Variants in HCN1 observed in about 807,000 individuals in gnomAD.
HCN1 encodes hyperpolarization activated cyclic nucleotide gated potassium channel 1, also known as potassium/sodium hyperpolarization-activated cyclic nucleotide-gated channel 1.
A neutral mutation model predicts 78.9 loss-of-function variants in HCN1; 13 were observed. That is an observed-to-expected ratio of 0.16 (90% CI 0.11 to 0.26). The LOEUF (loss-of-function observed/expected upper bound fraction) is 0.26, where lower values mean the gene tolerates loss of function less well. Among genes scored for constraint, HCN1 ranks in the 10% least tolerant of loss-of-function variants. The pLI is 1.00. For synonymous variants in HCN1, 552 were observed against 455.5 expected, an observed-to-expected ratio of 1.21 and a Z score of -2.70; for missense variants, 810 against 1,154.3, an observed-to-expected ratio of 0.70 and a Z score of 4.32.
intron 2 of HCN1, among the ~76,000 whole-genome samples, chr5:45,578,581 C>A (rs1743993939): frequency 6.6e-6 from 1 of 151,976 alleles, no homozygotes; most frequent in Admixed American, 6.6e-5. Flanking sequence ...TTGCATGACT[C>A]CTGAATCATC....
chr5:45,420,836 T>A (rs545954039), intron 3 of HCN1, among the ~76,000 whole-genome samples: 2 of 152,222 alleles, frequency 1.3e-5, no homozygotes, highest in South Asian at 4.1e-4. Flanking sequence ...GCCTCAAAGT[T>A]TACCAGCACT....
In HCN1 at chr5:45,293,898, C is replaced by A. The variant is rs1745431673; in HGVS notation, c.1618+9701G>T. ...GAAAAGATCTGACAGAGTTGTCTTA[C>A]CAGCATGGACAAAATTACTTCATTT... On this transcript the variant is annotated intron_variant, in intron 6 of 7. Transcript: ENST00000303230. Among the ~76,000 whole-genome samples, 2 of 151,790 alleles carry A rather than the reference C, an allele frequency of 1.3e-5. 1 individual carries two copies. The highest frequency in any genetic ancestry group is 4.1e-4 in the South Asian group (2 of 4,820).
At chr5:45,327,283 A>C (rs1258748966) in intron 5 of HCN1, among the ~76,000 whole-genome samples, 1 of 151,768 alleles carries the variant, frequency 6.6e-6, no homozygotes, top group East Asian at 1.9e-4. Context: ...AAGTATGCTG[A>C]ACTAAAAAAT....
chr5:45,323,491 A>AT (rs1746167884), intron 5 of HCN1, among the ~76,000 whole-genome samples: 1 of 151,918 alleles, frequency 6.6e-6, no homozygotes. Flanking sequence ...GCCTTTCTAG[A>AT]TTTTTTAAAA....
At position 45,661,424 on chromosome 5, in the gene HCN1, T is replaced by A. The variant is rs141331102; in HGVS notation, c.426-15816A>T. On this transcript the variant is annotated intron_variant, in intron 1 of 7. Coordinates refer to ENST00000303230, the MANE Select transcript of HCN1 (RefSeq NM_021072.4). Reference sequence around the variant, plus strand: ...AAAAGCAAGAGCAAACACATTCAAATGCTAGCAGAAGGCAAGAAATAACTA... The same window carrying A: ...AAAAGCAAGAGCAAACACATTCAAAAGCTAGCAGAAGGCAAGAAATAACTA... 4.0e-5 allele frequency among the ~76,000 whole-genome samples: 6 copies of A among 148,424 alleles called. No individual in the cohort carries two copies. The South Asian group carries it at 6.6e-4, about 16-fold the overall frequency.
In HCN1 at chr5:45,274,818, T is replaced by G. The variant is rs192497843; in HGVS notation, c.1619-7565A>C. Among the ~76,000 whole-genome samples the G allele has an allele frequency of 4.1e-4, 63 of 152,308 alleles. 1 individual carries two copies. Among genetic ancestry groups the G allele is most frequent in the Admixed American group, 4.1e-3 (62 of 15,280 alleles). ...CTTTCTTAATTGTCCCAGGGAAAAT[T>G]TATCTTTGTGCTTCCTCTGTATCTT... On this transcript the variant is annotated intron_variant, in intron 6 of 7. Transcript: ENST00000303230.
chr5:45,460,376 T>A (rs1741121744), intron 3 of HCN1, among the ~76,000 whole-genome samples: 2 of 152,092 alleles, frequency 1.3e-5, no homozygotes, highest in Non-Finnish European at 2.9e-5. Flanking sequence ...GGCACCTTCA[T>A]CTTGTACTCT....
At chr5:45,268,621 G>C (rs1744904335) in intron 6 of HCN1, among the ~76,000 whole-genome samples, 1 of 152,178 alleles carries the variant, frequency 6.6e-6, no homozygotes, top group South Asian at 2.1e-4. Context: ...GAGAATACTA[G>C]AGAAGGACAC....
At chr5:45,283,224 T>G (rs970962846) in intron 6 of HCN1, among the ~76,000 whole-genome samples, 4 of 152,172 alleles carry the variant, frequency 2.6e-5, no homozygotes, top group Non-Finnish European at 5.9e-5. Context: ...ATTCTTGATA[T>G]AGGAACGGCC....
intron 5 of HCN1, among the ~76,000 whole-genome samples, chr5:45,321,418 T>C (rs376101298): frequency 2.0e-5 from 3 of 151,014 alleles, no homozygotes; most frequent in Non-Finnish European, 4.4e-5. Context: ...AGAGCTAGAA[T>C]ATGTGTAGAG....
intron 5 of HCN1, among the ~76,000 whole-genome samples, chr5:45,336,109 T>A (rs1482844724): frequency 1.3e-5 from 2 of 151,744 alleles, no homozygotes; most frequent in Non-Finnish European, 2.9e-5. Flanking sequence ...GCATGTTAAG[T>A]GGATGGGAGG....
chr5:45,378,542 A>G (rs542865592), intron 4 of HCN1, among the ~76,000 whole-genome samples: 14 of 152,086 alleles, frequency 9.2e-5, no homozygotes, highest in Non-Finnish European at 1.9e-4. Flanking sequence ...GTGGAGGTTG[A>G]TAAGTAATTG....
At chr5:45,641,521 C>T (rs1273081895) in intron 2 of HCN1, among the ~76,000 whole-genome samples, 1 of 151,954 alleles carries the variant, frequency 6.6e-6, no homozygotes, top group Non-Finnish European at 1.5e-5. Flanking sequence ...TGTCCCAGTT[C>T]TATACAAAGG....
intron 4 of HCN1, among the ~76,000 whole-genome samples, chr5:45,393,667 C>G (rs1278419225): frequency 6.6e-6 from 1 of 152,142 alleles, no homozygotes; most frequent in Non-Finnish European, 1.5e-5. Context: ...TTTCAATCAA[C>G]ATTTCTGAAC....
intron 2 of HCN1, among the ~76,000 whole-genome samples, chr5:45,511,818 A>T (rs1345326252): frequency 6.6e-6 from 1 of 152,086 alleles, no homozygotes; most frequent in African/African-American, 2.4e-5. Context: ...TCAGTTAAAA[A>T]TAATCTATCA....
chr5:45,647,140 T>C (rs1745564814), intron 1 of HCN1, among the ~76,000 whole-genome samples: 1 of 152,196 alleles, frequency 6.6e-6, no homozygotes, highest in African/African-American at 2.4e-5. Flanking sequence ...GCGTTTGTTA[T>C]TTTGAAGATT....
intron 1 of HCN1, among the ~76,000 whole-genome samples, chr5:45,692,386 A>G (rs1189393103): frequency 6.6e-6 from 1 of 152,176 alleles, no homozygotes; most frequent in African/African-American, 2.4e-5. Flanking sequence ...GAAATTCAAT[A>G]AGACTAAGAC....
chr5:45,317,769 C>T (rs915709293), intron 5 of HCN1, among the ~76,000 whole-genome samples: 1 of 152,154 alleles, frequency 6.6e-6, no homozygotes, highest in African/African-American at 2.4e-5. Context: ...TGAACAGACA[C>T]TTCTCAAAAG....
intron 4 of HCN1, among the ~76,000 whole-genome samples, chr5:45,375,758 ATTTTATGATATATC>A (rs1413072464): frequency 4.4e-4 from 45 of 103,144 alleles, no homozygotes; most frequent in South Asian, 1.2e-3. Context: ...ATAATATCAT[ATTTTATGATATATC>A]TTATATATAA....
Sources: allele counts gnomAD v4.1 joint callset (sites outside exome capture counted in the v4.1 genomes callset), GRCh38; gene constraint gnomAD v4.1.1; transcripts MANE v1.5; gene names NCBI Gene and HGNC (gene_info 2026-07-23, HGNC 2026-07-21).